SULT1E1: variants seen among roughly 807,000 people sequenced by gnomAD.
SULT1E1 encodes the protein sulfotransferase 1E1.
In SULT1E1, 36 loss-of-function variants were observed where a neutral mutation model predicts 33.6. That is an observed-to-expected ratio of 1.07 (90% CI 0.82 to 1.41). The LOEUF is 1.41. Ranked by LOEUF, SULT1E1 falls within the 40% of genes most tolerant of loss-of-function variation. The pLI, the probability that SULT1E1 is intolerant of heterozygous loss-of-function variation, is 0.00. For missense variants in SULT1E1, 371 were observed against 345.7 expected (o/e 1.07, Z -0.58); for synonymous variants, 121 against 111.7 (o/e 1.08, Z -0.53).
chr4:69,847,786 T>G lies in SULT1E1; in HGVS notation c.503A>C (p.Tyr168Ser). 6.2e-7 allele frequency: 1 copy of G among 1,605,284 alleles called. No individual in the cohort carries two copies. The highest frequency in any genetic ancestry group is 2.2e-5 in the East Asian group (1 of 44,596). The part of the protein sequence containing the change: ...VEKFMQGQVP[Y>S]GSWYKHVKSW... Reference sequence around the variant, plus strand: ...TTTTACATGTTTATACCAGGAACCATAAGGAACTAAAATTAGAGAGAAAAA... The same window carrying G: ...TTTTACATGTTTATACCAGGAACCAGAAGGAACTAAAATTAGAGAGAAAAA... The change falls in exon 6 of 8, where the codon TAT becomes TCT. Residue 168 changes from tyrosine (Y) to serine (S), a missense_variant. By Grantham distance (144) the Tyr-to-Ser change is moderately radical (BLOSUM62 -2). Transcript: ENST00000226444.
At chr4:69,855,973 T>C (rs961787061) in intron 2 of SULT1E1, among the ~76,000 whole-genome samples, 9 of 152,194 alleles carry the variant, frequency 5.9e-5, no homozygotes, top group Non-Finnish European at 1.2e-4. Flanking sequence ...AAGAAATCTA[T>C]AACACAGTGT....
At chr4:69,847,841 T>G (rs1721013610) in intron 5 of SULT1E1, 49 bp from the exon 6 acceptor site, 3 of 1,194,502 alleles carry the variant, frequency 2.5e-6, no homozygotes, top group South Asian at 1.3e-5. Flanking sequence ...TCTCTAAAAC[T>G]GCTCGAAAAC....
the SULT1E1 span, among the ~76,000 whole-genome samples, chr4:69,831,240 C>T: frequency 6.6e-6 from 1 of 152,092 alleles, no homozygotes; most frequent in Non-Finnish European, 1.5e-5. Flanking sequence ...CTGTAAAACT[C>T]GTTTATCTTG....
rs1720908099 is a variant in SULT1E1, at chr4:69,842,889, T to C, written c.773-783A>G. Among the ~76,000 whole-genome samples the C allele has an allele frequency of 1.3e-5, 2 of 151,648 alleles. 1 individual carries two copies. The highest frequency in any genetic ancestry group is 4.2e-4 in the South Asian group (2 of 4,780). ...TCTCGCTCTGTCACCCAGGCTGGAA[T>C]GCAGTGCAGCTATCTCTGCTCACTG... On this transcript the variant is annotated intron_variant, in intron 7 of 7. Coordinates refer to ENST00000226444, the MANE Select transcript of SULT1E1 (RefSeq NM_005420.3).
At chr4:69,854,119 C>T (rs1721181768) in intron 4 of SULT1E1, 98 bp downstream of exon 4, 2 of 746,520 alleles carry the variant, frequency 2.7e-6, no homozygotes, top group Non-Finnish European at 4.3e-6. Context: ...TCTATAGATT[C>T]AATGAAAGAA....
intron 3 of SULT1E1, among the ~76,000 whole-genome samples, chr4:69,854,930 T>C (rs914755800): frequency 7.2e-5 from 11 of 152,110 alleles, no homozygotes; most frequent in African/African-American, 2.2e-4. Context: ...TGTTTCCAAT[T>C]TTCCACAATA....
the SULT1E1 span, among the ~76,000 whole-genome samples, chr4:69,834,767 T>C: frequency 1.3e-5 from 2 of 152,176 alleles, no homozygotes; most frequent in African/African-American, 2.4e-5. Flanking sequence ...ATTATAAATC[T>C]AATCCAGTGG....
At chr4:69,832,959 A>G in the SULT1E1 span, among the ~76,000 whole-genome samples, 1 of 152,144 alleles carries the variant, frequency 6.6e-6, no homozygotes, top group African/African-American at 2.4e-5. Context: ...TTCAGGGCAC[A>G]TCCCTTTGAG....
the SULT1E1 span, among the ~76,000 whole-genome samples, chr4:69,826,690 A>G: frequency 0.044 from 6,712 of 152,198 alleles, 215 homozygotes; most frequent in East Asian, 0.082. Context: ...CTTGGCCCCA[A>G]TATTCTCTCT....
rs1355145169 is a variant in SULT1E1 at position 69,841,905 on chromosome 4, G to C, written c.*89C>G. On this transcript the variant is annotated 3_prime_UTR_variant, in exon 8 of 8. Coordinates refer to ENST00000226444, the MANE Select transcript of SULT1E1 (RefSeq NM_005420.3). The stretch of plus-strand genomic sequence containing the variant: ...AAATGTCAACATAATCCATGATTAT[G>C]TCTTTTCTAGCAATCTAAAATAAGA... 1.6e-6 allele frequency: 1 copy of C among 634,350 alleles called. No homozygotes were observed. The highest frequency in any genetic ancestry group is 2.6e-6 in the Non-Finnish European group (1 of 380,318). 39.3% of individuals were successfully genotyped at this position (634,350 alleles called of 1,614,324 possible).
At chr4:69,842,700 G>A (rs1461192790) in intron 7 of SULT1E1, among the ~76,000 whole-genome samples, 1 of 152,034 alleles carries the variant, frequency 6.6e-6, no homozygotes, top group Non-Finnish European at 1.5e-5. Flanking sequence ...TATATCTACT[G>A]CCTCTTAAAC....
intron 6 of SULT1E1, among the ~76,000 whole-genome samples, chr4:69,846,932 C>A (rs1006719830): frequency 6.6e-6 from 1 of 151,684 alleles, no homozygotes; most frequent in Non-Finnish European, 1.5e-5. Flanking sequence ...TTTTAGCATT[C>A]TCTTTACACT....
chr4:69,844,111 T>C (rs199584147), intron 7 of SULT1E1, 50 bp downstream of exon 7: 2 of 1,582,254 alleles, frequency 1.3e-6, no homozygotes, highest in East Asian at 2.2e-5. Context: ...CCTATAACCA[T>C]GTCACCTTGT....
chr4:69,831,486 A>G, the SULT1E1 span, among the ~76,000 whole-genome samples: 2 of 152,122 alleles, frequency 1.3e-5, no homozygotes, highest in African/African-American at 2.4e-5. Flanking sequence ...TTGTCTCCCT[A>G]TCTATAATAT....
intron 4 of SULT1E1, among the ~76,000 whole-genome samples, chr4:69,853,362 C>G (rs1263056620): frequency 6.6e-6 from 1 of 152,096 alleles, no homozygotes; most frequent in African/African-American, 2.4e-5. Context: ...ATTAAAATGT[C>G]AGAGTCCAAA....
At chr4:69,821,476 G>A in the SULT1E1 span, among the ~76,000 whole-genome samples, 1 of 152,198 alleles carries the variant, frequency 6.6e-6, no homozygotes, top group Non-Finnish European at 1.5e-5. Flanking sequence ...TTTGAAGTTA[G>A]AACTATTCTT....
At chr4:69,825,946 G>A in the SULT1E1 span, among the ~76,000 whole-genome samples, 7 of 150,532 alleles carry the variant, frequency 4.7e-5, no homozygotes, top group African/African-American at 9.8e-5. Context: ...GTGTAAACTC[G>A]AGGACTCTAT....
the SULT1E1 span, among the ~76,000 whole-genome samples, chr4:69,823,101 T>G: frequency 1.3e-5 from 2 of 152,056 alleles, no homozygotes. Flanking sequence ...CTTTATTGAG[T>G]GCACTCAGAC....
chr4:69,859,999 TTTATATATCTA>T (rs1721338516), intron 1 of SULT1E1, 39 bp downstream of exon 1: 1 of 152,066 alleles, frequency 6.6e-6, no homozygotes, highest in South Asian at 2.1e-4. Context: ...CATTCTATAT[TTTATATATCTA>T]AAATCTAAGT....
Sources: allele counts gnomAD v4.1 joint callset (sites outside exome capture counted in the v4.1 genomes callset), GRCh38; gene constraint gnomAD v4.1.1; transcripts MANE v1.5; gene names NCBI Gene and HGNC (gene_info 2026-07-23, HGNC 2026-07-21).